The following ARL2 variants were observed in gnomAD, a reference collection of about 807,000 sequenced individuals.
ARL2 encodes the protein ADP-ribosylation factor-like protein 2.
In ARL2, 11 loss-of-function variants were observed where a neutral mutation model predicts 22.0. The observed-to-expected ratio is 0.50, with a 90% CI of 0.31 to 0.83. The LOEUF (loss-of-function observed/expected upper bound fraction) is 0.83, where lower values mean the gene tolerates loss of function less well. ARL2 is among the 40% of genes least tolerant of loss of function. The pLI is 0.04. For synonymous variants in ARL2, 111 were observed against 100.8 expected, an observed-to-expected ratio of 1.10 and a Z score of -0.61; for missense variants, 216 against 243.2, an observed-to-expected ratio of 0.89 and a Z score of 0.74.
intron 3 of ARL2, 147 bp from the exon 4 acceptor site, chr11:65,020,272 A>G (rs894923412): frequency 8.4e-6 from 6 of 711,512 alleles, no homozygotes; most frequent in Non-Finnish European, 9.8e-6. Flanking sequence ...TACGTCCACA[A>G]ACTCACTCCT....
chr11:65,017,209 T>G (rs564504361), intron 1 of ARL2, among the ~76,000 whole-genome samples: 20 of 151,968 alleles, frequency 1.3e-4, no homozygotes, highest in African/African-American at 4.6e-4. Context: ...TTTTTTTTTT[T>G]TAATCAGACG....
chr11:65,021,534 A>G (rs1946327376), intron 4 of ARL2, 187 bp from the exon 5 acceptor site: 1 of 642,366 alleles, frequency 1.6e-6, no homozygotes, highest in Non-Finnish European at 2.6e-6. Flanking sequence ...GGAACTGGAC[A>G]GAGAGCCCAG....
At chr11:65,020,869 CAAAA>C (rs58186585) in intron 4 of ARL2, among the ~76,000 whole-genome samples, 2 of 68,092 alleles carry the variant, frequency 2.9e-5, no homozygotes, top group Admixed American at 1.6e-4. Flanking sequence ...GACTTCGTCT[CAAAA>C]AAAAAAAAAA....
intron 1 of ARL2, among the ~76,000 whole-genome samples, chr11:65,016,678 C>T (rs568950947): frequency 1.1e-4 from 17 of 152,040 alleles, no homozygotes; most frequent in African/African-American, 2.4e-4. Flanking sequence ...GAGATGCCTC[C>T]GAGACAGCCC....
intron 1 of ARL2, among the ~76,000 whole-genome samples, chr11:65,017,796 A>G (rs1437253529): frequency 6.6e-6 from 1 of 152,228 alleles, no homozygotes; most frequent in African/African-American, 2.4e-5. Flanking sequence ...TCCACAGGTA[A>G]GCACACCCAT....
At chr11:65,016,567 A>G (rs1446177928) in intron 1 of ARL2, among the ~76,000 whole-genome samples, 1 of 151,976 alleles carries the variant, frequency 6.6e-6, no homozygotes, top group Non-Finnish European at 1.5e-5. Context: ...GGCCTGAGCA[A>G]TTAGAAGGGT....
In ARL2 at chr11:65,018,949, G is replaced by A. The variant is rs1274928294; in HGVS notation, c.339+216G>A. ...TGTGGTGTTACTACGTCACTACCCT[G>A]AGCATCAGTTTCTATGCCTTGAAAT... is the stretch of plus-strand genomic sequence containing the variant. On this transcript the variant is annotated intron_variant, in intron 3 of 4. Coordinates refer to ENST00000246747, the MANE Select transcript of ARL2 (RefSeq NM_001667.4). This position sits in a 1 kb window ranked among gnomAD's most constrained non-coding sequence, Gnocchi z 4.2. The A allele has an allele frequency of 3.3e-6, 5 of 1,515,836 alleles. No homozygotes were observed. Among genetic ancestry groups the A allele is most frequent in the Non-Finnish European group, 4.4e-6 (5 of 1,134,516 alleles). The allele number at this position is 1,515,836 out of a possible 1,614,324, so 93.9% of individuals were successfully genotyped here.
At position 65,022,099 on chromosome 11, in the gene ARL2, G is replaced by A. The variant is rs1946336298; in HGVS notation, c.*244G>A. The A allele has an allele frequency of 3.7e-6, 2 of 541,944 alleles. No individual in the cohort carries two copies. Among genetic ancestry groups the A allele is most frequent in the African/African-American group, 3.8e-5 (2 of 52,974 alleles). 33.6% of individuals were successfully genotyped at this position (541,944 alleles called of 1,614,324 possible). On this transcript the variant is annotated 3_prime_UTR_variant, in exon 5 of 5. Transcript: ENST00000246747. ...GCTACCATACCAAGAAGAGAGGGCT[G>A]GGCGGGGAGGAGCTGCTACTGCTGC...
At chr11:65,017,329 GGGACTATA>G (rs1946269490) in intron 1 of ARL2, among the ~76,000 whole-genome samples, 1 of 151,836 alleles carries the variant, frequency 6.6e-6, no homozygotes, top group Non-Finnish European at 1.5e-5. Context: ...CCGAGTAGCT[GGGACTATA>G]GGGGCCCGCC....
At chr11:65,014,453 CA>C (rs1434475478) in intron 1 of ARL2, among the ~76,000 whole-genome samples, 181 bp downstream of exon 1, 1 of 152,150 alleles carries the variant, frequency 6.6e-6, no homozygotes, top group African/African-American at 2.4e-5. Context: ...AGGACTGGGG[CA>C]GGGGCCAGCT....
At chr11:65,021,634 G>T in intron 4 of ARL2, 87 bp from the exon 5 acceptor site, 2 of 1,453,798 alleles carry the variant, frequency 1.4e-6, no homozygotes, top group Non-Finnish European at 9.2e-7. Context: ...AAGGCGTGGA[G>T]TTCCTCTGGG....
rs1170447463 is a variant in ARL2 at position 65,018,047 on chromosome 11, T to C, written c.66-317T>C. Among the ~76,000 whole-genome samples, 1 of 152,092 alleles carries C rather than the reference T, an allele frequency of 6.6e-6. No individual in the cohort carries two copies. ...CGCTAGCCGGGATCTGGCAGGGCCT[T>C]CTTTTCTCATTTGTTTGTACTTTAT... is the stretch of plus-strand genomic sequence containing the variant. On this transcript the variant is annotated intron_variant, in intron 1 of 4. Coordinates refer to ENST00000246747, the MANE Select transcript of ARL2 (RefSeq NM_001667.4). This position sits in a 1 kb window ranked among gnomAD's most constrained non-coding sequence, Gnocchi z 4.2.
chr11:65,020,256 G>A (rs1183198019), intron 3 of ARL2, among the ~76,000 whole-genome samples, 163 bp from the exon 4 acceptor site: 2 of 152,154 alleles, frequency 1.3e-5, no homozygotes, highest in South Asian at 2.1e-4. Flanking sequence ...GGCCAGCCTT[G>A]ATGGCTACGT....
Position 65,018,979 on chromosome 11 carries a change from A to T in ARL2, c.339+246A>T, listed in dbSNP as rs187820737. 1.4e-6 allele frequency: 2 copies of T among 1,464,480 alleles called. No homozygotes were observed. The allele number at this position is 1,464,480 out of a possible 1,614,324, so 90.7% of individuals were successfully genotyped here. A position where few individuals can be genotyped will look rare whatever the true frequency, so the allele number is the denominator to read the frequency against. ...TCAGTTTCTATGCCTTGAAATGGTG[A>T]TGATGACACCCACATCACTGGGCTT... On this transcript the variant is annotated intron_variant, in intron 3 of 4. Coordinates refer to ENST00000246747, the MANE Select transcript of ARL2 (RefSeq NM_001667.4). The surrounding 1 kb of genome is among the most constrained non-coding windows in gnomAD (Gnocchi z 4.2).
chr11:65,018,554 AC>A lies in ARL2; in HGVS notation c.177-14del. ...GAGGGGCCCAGCTGACCCTCCTGTC[AC>A]CCGCTCCTTGCCCAGATTCAAGCTG... On this transcript the variant is annotated splice_polypyrimidine_tract_variant and intron_variant, in intron 2 of 4. Coordinates refer to ENST00000246747, the MANE Select transcript of ARL2 (RefSeq NM_001667.4). The surrounding 1 kb of genome is among the most constrained non-coding windows in gnomAD (Gnocchi z 4.2). The A allele has an allele frequency of 6.2e-7, 1 of 1,604,350 alleles. No individual in the cohort carries two copies. The highest frequency in any genetic ancestry group is 8.5e-7 in the Non-Finnish European group (1 of 1,175,082).
chr11:65,017,140 AG>A (rs1025890353), intron 1 of ARL2, among the ~76,000 whole-genome samples: 7 of 152,174 alleles, frequency 4.6e-5, no homozygotes, highest in African/African-American at 1.4e-4. Flanking sequence ...TTCCTGTAAA[AG>A]GAAAGATATA....
chr11:65,014,452 G>A (rs1946224004), intron 1 of ARL2, among the ~76,000 whole-genome samples, 180 bp downstream of exon 1: 2 of 152,186 alleles, frequency 1.3e-5, no homozygotes, highest in African/African-American at 4.8e-5. Context: ...CAGGACTGGG[G>A]CAGGGGCCAG....
rs573179556 is a variant in ARL2 at position 65,021,151 on chromosome 11, T to C, written c.421-570T>C. Among the ~76,000 whole-genome samples, 24 of 152,310 alleles carry C rather than the reference T, an allele frequency of 1.6e-4. No individual in the cohort carries two copies. In the East Asian group the frequency reaches 4.4e-3, roughly 28 times the overall value. On this transcript the variant is annotated intron_variant, in intron 4 of 4. Transcript: ENST00000246747. ...GAGGTGAGAACTATTATTTTACAGA[T>C]GGTGAAGCAGGCTCACAGAGGTTAG...
At chr11:65,017,339 G>C (rs533857516) in intron 1 of ARL2, among the ~76,000 whole-genome samples, 13 of 152,022 alleles carry the variant, frequency 8.6e-5, no homozygotes, top group African/African-American at 3.1e-4. Flanking sequence ...GGGACTATAG[G>C]GGCCCGCCAC....
Sources: allele counts gnomAD v4.1 joint callset (sites outside exome capture counted in the v4.1 genomes callset), GRCh38; gene constraint gnomAD v4.1.1; non-coding constraint Gnocchi (gnomAD v3.1); transcripts MANE v1.5; gene names NCBI Gene and HGNC (gene_info 2026-07-23, HGNC 2026-07-21).